The following IVD variants were observed in gnomAD, a reference collection of about 807,000 sequenced individuals.
IVD encodes isovaleryl-CoA dehydrogenase.
IVD carries 31 observed loss-of-function variants against 51.3 expected under a neutral mutation model. The ratio of observed to expected loss-of-function variants is 0.60; its 90% CI spans 0.45 to 0.81. The LOEUF is 0.81. IVD is among the 40% of genes least tolerant of loss of function. The pLI is 0.00. For synonymous variants in IVD, 205 were observed against 219.4 expected, an observed-to-expected ratio of 0.93 and a Z score of 0.58; for missense variants, 475 against 552.0, an observed-to-expected ratio of 0.86 and a Z score of 1.40.
intron 2 of IVD, 105 bp downstream of exon 2, chr15:40,407,830 A>G: frequency 6.9e-7 from 1 of 1,448,688 alleles, no homozygotes; most frequent in South Asian, 1.1e-5. Flanking sequence ...AAGCCTCTCT[A>G]AGAATGCAGC....
rs781683880 is a variant in IVD, at chr15:40,420,757, C to T, written c.*2494C>T. 1.6e-4 allele frequency: 155 copies of T among 985,578 alleles called. No homozygotes were observed. Among genetic ancestry groups the T allele is most frequent in the Admixed American group, 1.8e-4 (3 of 16,268 alleles). The allele number at this position is 985,578 out of a possible 1,614,324, so 61.1% of individuals were successfully genotyped here. A position where few individuals can be genotyped will look rare whatever the true frequency, so the allele number is the denominator to read the frequency against. On this transcript the variant is annotated 3_prime_UTR_variant, in exon 12 of 12. Transcript: ENST00000487418. The stretch of plus-strand genomic sequence containing the variant: ...CAATTTGACTTTCTCAAGGTCAAAA[C>T]GAACTAGAATCCAGATCTGCTCATG...
At position 40,419,093 on chromosome 15, in the gene IVD, G is replaced by A; in HGVS notation, c.*830G>A. On this transcript the variant is annotated 3_prime_UTR_variant, in exon 12 of 12. Coordinates refer to ENST00000487418, the MANE Select transcript of IVD (RefSeq NM_002225.5). ...GGACGTTGCAGTGAGCCGAGCTTGTGCCATTGCACTCCAGCCTGGGCGACA... is the reference window on the plus strand; with the variant it reads ...GGACGTTGCAGTGAGCCGAGCTTGTACCATTGCACTCCAGCCTGGGCGACA... 8.3e-7 allele frequency: 1 copy of A among 1,201,920 alleles called. No individual in the cohort carries two copies. Among genetic ancestry groups the A allele is most frequent in the Non-Finnish European group, 1.1e-6 (1 of 910,080 alleles). The allele number at this position is 1,201,920 out of a possible 1,614,324, so 74.5% of individuals were successfully genotyped here.
At position 40,406,256 on chromosome 15, in the gene IVD, T is replaced by C. The variant is rs1742746766; in HGVS notation, c.144+285T>C. 7 of 1,468,360 alleles carry C rather than the reference T, an allele frequency of 4.8e-6. No individual in the cohort carries two copies. In the South Asian group the frequency reaches 8.5e-5, roughly 18 times the overall value. The allele number at this position is 1,468,360 out of a possible 1,614,324, so 91.0% of individuals were successfully genotyped here. A position where few individuals can be genotyped will look rare whatever the true frequency, so the allele number is the denominator to read the frequency against. On this transcript the variant is annotated intron_variant, in intron 1 of 11. Transcript: ENST00000487418. ...GCTGGGAGAGCTCCTGAGAGACTGA[T>C]GGTGTTTTGGTGGAGGATTGGCCAG...
chr15:40,433,450 C>T (rs756190609), intron 7 of IVD, among the ~76,000 whole-genome samples: 14 of 152,188 alleles, frequency 9.2e-5, no homozygotes, highest in Non-Finnish European at 2.1e-4. Context: ...TGGATTTCTT[C>T]ATCTTCCCAG....
At chr15:40,406,220 G>A in intron 1 of IVD, 1 of 1,511,992 alleles carries the variant, frequency 6.6e-7, no homozygotes, top group Non-Finnish European at 8.8e-7. Context: ...AAGTAGAGAG[G>A]AGGAGTCGAG....
At position 40,410,662 on chromosome 15, in the gene IVD, G is replaced by A. The variant is rs1448958748; in HGVS notation, c.321G>A (p.Glu107=). ...GCGGCTCCGGCCTGGGCTACCTGGA[G>A]CATGTGCTGGTGATGGAGGAGATAT... The part of the protein sequence containing the change: ...QYGGSGLGYL[E]HVLVMEEISR... Residue 107 remains glutamate, a synonymous_variant, in exon 4 of 12, where the codon GAG becomes GAA. Coordinates refer to ENST00000487418, the MANE Select transcript of IVD (RefSeq NM_002225.5). The A allele has an allele frequency of 2.5e-6, 4 of 1,614,230 alleles. No homozygotes were observed. The highest frequency in any genetic ancestry group is 3.4e-6 in the Non-Finnish European group (4 of 1,180,038).
At chr15:40,410,595 G>T (rs549224330) in intron 3 of IVD, 33 bp from the exon 4 acceptor site, 6 of 1,613,640 alleles carry the variant, frequency 3.7e-6, no homozygotes, top group African/African-American at 2.7e-5. Context: ...TCTGGGCTGC[G>T]TTTTCCACTC....
In IVD at chr15:40,405,910, G is replaced by A; in HGVS notation, c.83G>A (p.Arg28Gln). 6.2e-7 allele frequency: 1 copy of A among 1,613,200 alleles called. No individual in the cohort carries two copies. The highest frequency in any genetic ancestry group is 8.5e-7 in the Non-Finnish European group (1 of 1,179,838). ...RPPLAGFVSQ[R>Q]AHSLLPVDDA... The stretch of plus-strand genomic sequence containing the variant: ...CCGCTTGCCGGCTTCGTTTCCCAGC[G>A]GGCCCACTCGCTTTTGCCCGTGGAC... The change falls in exon 1 of 12, where the codon CGG becomes CAG. Residue 28 changes from arginine to glutamine, a missense_variant. Arg to Gln is a conservative substitution (Grantham distance 43). Transcript: ENST00000487418.
At chr15:40,426,925 A>G (rs1892703369), downstream of IVD, among the ~76,000 whole-genome samples, 1 of 152,194 alleles carries the variant, frequency 6.6e-6, no homozygotes, top group Admixed American at 6.5e-5. Flanking sequence ...GGCTGGGGAG[A>G]TGGTAATGAT....
At chr15:40,432,636 T>C (rs992897716) in intron 7 of IVD, among the ~76,000 whole-genome samples, 4 of 152,238 alleles carry the variant, frequency 2.6e-5, no homozygotes, top group African/African-American at 9.6e-5. Flanking sequence ...TGGCTGTGGC[T>C]GAGAGCCTGT....
At chr15:40,424,767 T>C (rs1467625913), downstream of IVD, among the ~76,000 whole-genome samples, 1 of 152,254 alleles carries the variant, frequency 6.6e-6, no homozygotes. Flanking sequence ...TATTTGTGTA[T>C]ACGGTCCTCT....
Position 40,418,337 on chromosome 15 carries a change from A to G in IVD, c.*74A>G, listed in dbSNP as rs1595798364. 1 of 1,605,504 alleles carries G rather than the reference A, an allele frequency of 6.2e-7. No homozygotes were observed. The highest frequency in any genetic ancestry group is 2.2e-5 in the East Asian group (1 of 44,694). ...GAAGTAGAGATGTGGCGGCTTTCCC[A>G]CCCTGCCCACAGCAGGCCCTCCTGC... On this transcript the variant is annotated 3_prime_UTR_variant, in exon 12 of 12. Coordinates refer to ENST00000487418, the MANE Select transcript of IVD (RefSeq NM_002225.5).
rs773816252 is a variant in IVD, at chr15:40,405,849, C to T, written c.22C>T (p.Leu8=). 1.3e-5 allele frequency: 21 copies of T among 1,612,412 alleles called. No individual in the cohort carries two copies. The South Asian group carries it at 2.3e-4, about 18-fold the overall frequency. Residue 8 remains leucine (L), a synonymous_variant, in exon 1 of 12, where the codon CTG becomes TTG. Coordinates refer to ENST00000487418, the MANE Select transcript of IVD (RefSeq NM_002225.5). The part of the protein sequence containing the change: MATATRL[L]GWRVASWRLR... ...AGAGATGGCGACTGCGACTCGGCTG[C>T]TGGGGTGGCGTGTGGCGAGCTGGAG...
intron 7 of IVD, among the ~76,000 whole-genome samples, chr15:40,432,451 C>T (rs1893031334): frequency 6.6e-6 from 1 of 152,240 alleles, no homozygotes; most frequent in African/African-American, 2.4e-5. Context: ...CAGGTGGCAC[C>T]ATGGTTGGTT....
chr15:40,407,720 C>G lies in IVD; in HGVS notation c.229C>G (p.Leu77Val), dbSNP rs143807229. The G allele has an allele frequency of 6.8e-6, 11 of 1,613,914 alleles. No individual in the cohort carries two copies. Among genetic ancestry groups the G allele is most frequent in the Non-Finnish European group, 9.3e-6 (11 of 1,179,918 alleles). ...EIDRSNEFKNLREFWKQLGNL... is the reference protein window; with the variant it reads ...EIDRSNEFKNVREFWKQLGNL... The stretch of plus-strand genomic sequence containing the variant: ...CGATCGCAGCAATGAGTTCAAGAAC[C>G]TGCGAGTGAGTTGGGAGGTCCGGGC... The change falls in exon 2 of 12, where the codon CTG (leucine) becomes GTG (valine). Residue 77 changes from leucine (L) to valine (V), a missense_variant. Transcript: ENST00000487418.
intron 1 of IVD, 25 bp from the exon 2 acceptor site, chr15:40,407,611 C>T: frequency 6.4e-7 from 1 of 1,563,516 alleles, no homozygotes; most frequent in Non-Finnish European, 8.8e-7. Context: ...TCTGCAGTGG[C>T]ATCTGTTTAC....
In IVD at chr15:40,416,153, G is replaced by A; in HGVS notation, c.1036G>A (p.Ala346Thr). The change falls in exon 10 of 12, where the codon GCC (alanine) becomes ACC (threonine). Residue 346 changes from alanine to threonine, a missense_variant. Transcript: ENST00000487418. ...GCAGTATGTCTACAATGTCGCCAAG[G>A]CCTGCGATGAGGGCCATTGCACTGC... ...CRQYVYNVAK[A>T]CDEGHCTAKD... 1 of 1,614,254 alleles carries A rather than the reference G, an allele frequency of 6.2e-7. No individual in the cohort carries two copies. The highest frequency in any genetic ancestry group is 8.5e-7 in the Non-Finnish European group (1 of 1,180,050).
chr15:40,425,956 C>T (rs1387136888), downstream of IVD, among the ~76,000 whole-genome samples: 1 of 141,944 alleles, frequency 7.0e-6, no homozygotes, highest in African/African-American at 2.5e-5. Context: ...ATTAAAGGCC[C>T]AGTCCGGCTA....
At chr15:40,428,524 C>T (rs1340790808), downstream of IVD, among the ~76,000 whole-genome samples, 1 of 152,178 alleles carries the variant, frequency 6.6e-6, no homozygotes, top group Non-Finnish European at 1.5e-5. Context: ...AGTGAAGGAG[C>T]AAGTGGGGGC....
Sources: gnomAD v4.1 joint callset for allele counts (sites outside exome capture counted in the v4.1 genomes callset) on GRCh38, gnomAD v4.1.1 for gene constraint, MANE v1.5 for transcripts, NCBI Gene and HGNC (gene_info 2026-07-23, HGNC 2026-07-21) for gene names.